Variants in ATP5PO observed in about 807,000 individuals in gnomAD.
The protein encoded by ATP5PO is ATP synthase peripheral stalk subunit OSCP, mitochondrial.
In ATP5PO, 14 loss-of-function variants were observed where a neutral mutation model predicts 26.2. The observed-to-expected ratio is 0.53, with a 90% CI of 0.35 to 0.83. ATP5PO has a LOEUF of 0.83. ATP5PO is among the 40% of genes least tolerant of loss of function. ATP5PO has a pLI of 0.01. For synonymous variants in ATP5PO, 106 were observed against 95.1 expected (o/e 1.12, Z -0.67); for missense variants, 241 against 258.5 (o/e 0.93, Z 0.46).
rs747239815 is a variant in ATP5PO at position 33,907,322 on chromosome 21, G to A, written c.441+19C>T. The A allele has an allele frequency of 6.9e-6, 11 of 1,583,228 alleles. 1 individual carries two copies. In the South Asian group the frequency reaches 1.1e-4, roughly 16 times the overall value. Reference sequence around the variant, plus strand: ...ATGTAATATCAAGGCAAACACAGCAGCAACAACCCGTTACTTACAGATGCA... The same window carrying A: ...ATGTAATATCAAGGCAAACACAGCAACAACAACCCGTTACTTACAGATGCA... On this transcript the variant is annotated intron_variant, in intron 5 of 6. Transcript: ENST00000290299.
intron 3 of ATP5PO, 64 bp downstream of exon 3, chr21:33,912,225 A>G (rs1987258280): frequency 6.8e-7 from 1 of 1,464,352 alleles, no homozygotes; most frequent in Non-Finnish European, 9.4e-7. Flanking sequence ...GGAATGCACA[A>G]ACAACCAAAG....
chr21:33,909,512 C>A (rs556103912), intron 3 of ATP5PO, among the ~76,000 whole-genome samples: 331 of 152,282 alleles, frequency 2.2e-3, no homozygotes, highest in Middle Eastern at 0.01. Flanking sequence ...GTGATCCACC[C>A]ACCTCGGCCT....
chr21:33,915,612 C>A (rs1202342017), intron 1 of ATP5PO, 116 bp downstream of exon 1: 2 of 1,452,302 alleles, frequency 1.4e-6, no homozygotes, highest in African/African-American at 2.8e-5. Flanking sequence ...GGTCCCATAA[C>A]CTTGAAGACT....
At chr21:33,905,387 G>A (rs1485122033) in intron 5 of ATP5PO, among the ~76,000 whole-genome samples, 1 of 152,054 alleles carries the variant, frequency 6.6e-6, no homozygotes, top group African/African-American at 2.4e-5. Context: ...TGAGGGAACG[G>A]AGGCTCAGGG....
At chr21:33,906,790 C>T (rs1987178721) in intron 5 of ATP5PO, 2 of 456,042 alleles carry the variant, frequency 4.4e-6, no homozygotes, top group Admixed American at 2.4e-5. Context: ...AAGTTCGAGA[C>T]AAGCCTGGAG....
chr21:33,911,498 G>A (rs925227070), intron 3 of ATP5PO, among the ~76,000 whole-genome samples: 1 of 152,024 alleles, frequency 6.6e-6, no homozygotes, highest in Non-Finnish European at 1.5e-5. Flanking sequence ...AATTGCAAAG[G>A]CATCTCTACC....
intron 5 of ATP5PO, 127 bp downstream of exon 5, chr21:33,907,214 C>A: frequency 1.2e-6 from 1 of 801,996 alleles, no homozygotes; most frequent in Non-Finnish European, 2.0e-6. Context: ...AAAAATGAAA[C>A]AAACATCCCA....
intron 1 of ATP5PO, 68 bp from the exon 2 acceptor site, chr21:33,914,568 A>G: frequency 6.9e-7 from 1 of 1,457,724 alleles, no homozygotes; most frequent in Non-Finnish European, 9.5e-7. Flanking sequence ...TAACTCAATA[A>G]CAACAAAAAA....
chr21:33,903,651 G>A lies in ATP5PO; in HGVS notation c.529-12C>T, dbSNP rs9980730. 0.98 allele frequency: 1,573,699 copies of A among 1,613,522 alleles called. 767,530 individuals are homozygous for A. Among genetic ancestry groups the A allele is most frequent in the East Asian group, 1 (44,874 of 44,880 alleles). ...ATTGACGGATCAGTCTACAAAAGAA[G>A]TAAGACTGGAAATGTGAAAACGCGC... On this transcript the variant is annotated splice_polypyrimidine_tract_variant and intron_variant, in intron 6 of 6. Transcript: ENST00000290299.
In ATP5PO at chr21:33,908,942, G is replaced by A. The variant is rs184185346; in HGVS notation, c.328+140C>T. On this transcript the variant is annotated intron_variant, in intron 4 of 6. Transcript: ENST00000290299. ...GGGAGCTGGTTAAGATACAGACTCT[G>A]ATTCAGCAGGTTGCTGTGAGGCCTG... The A allele has an allele frequency of 1.5e-5, 14 of 957,320 alleles. No individual in the cohort carries two copies. In the Admixed American group the frequency reaches 2.3e-4, roughly 16 times the overall value. The allele number at this position is 957,320 out of a possible 1,614,324, so 59.3% of individuals were successfully genotyped here. A position where few individuals can be genotyped will look rare whatever the true frequency, so the allele number is the denominator to read the frequency against.
chr21:33,914,376 C>T (rs1405109354), intron 2 of ATP5PO, 74 bp downstream of exon 2: 16 of 1,456,858 alleles, frequency 1.1e-5, no homozygotes, highest in Non-Finnish European at 1.4e-5. Context: ...CAAAAATCCA[C>T]GCCCTGACTG....
intron 4 of ATP5PO, 185 bp downstream of exon 4, chr21:33,908,897 A>G (rs1276234097): frequency 8.5e-6 from 5 of 587,340 alleles, no homozygotes; most frequent in African/African-American, 5.5e-5. Context: ...TCACACTTCA[A>G]TGTGCAAACG....
At chr21:33,915,581 C>G in intron 1 of ATP5PO, 147 bp downstream of exon 1, 1 of 1,254,678 alleles carries the variant, frequency 8.0e-7, no homozygotes, top group Non-Finnish European at 1.1e-6. Flanking sequence ...CTGGGTCGTC[C>G]TGAGTCGCTC....
chr21:33,908,576 G>C (rs1462253897), intron 4 of ATP5PO, among the ~76,000 whole-genome samples: 1 of 152,144 alleles, frequency 6.6e-6, no homozygotes, highest in East Asian at 1.9e-4. Flanking sequence ...GGGTGTGGTG[G>C]CATGCACCTG....
chr21:33,903,634 A>G lies in ATP5PO; in HGVS notation c.534T>C (p.Asp178=). ...CAATCATTCCACCCAAGATTGACGG[A>G]TCAGTCTACAAAAGAAGTAAGACTG... ...GQVLKLEAKT[D]PSILGGMIVR... is the part of the protein sequence containing the mutation. The change falls in exon 7 of 7, where the codon GAT becomes GAC. Residue 178 remains aspartate (D), a synonymous_variant. Coordinates refer to ENST00000290299, the MANE Select transcript of ATP5PO (RefSeq NM_001697.3). 1 of 1,614,052 alleles carries G rather than the reference A, an allele frequency of 6.2e-7. No homozygotes were observed. Among genetic ancestry groups the G allele is most frequent in the Non-Finnish European group, 8.5e-7 (1 of 1,179,908 alleles).
chr21:33,910,288 A>G (rs556880275), intron 3 of ATP5PO, among the ~76,000 whole-genome samples: 1 of 152,224 alleles, frequency 6.6e-6, no homozygotes, highest in East Asian at 1.9e-4. Context: ...CTATCATCCA[A>G]TGCTAACATT....
At chr21:33,913,197 C>A (rs2834300) in intron 2 of ATP5PO, among the ~76,000 whole-genome samples, 13 of 151,936 alleles carry the variant, frequency 8.6e-5, no homozygotes, top group Admixed American at 5.9e-4. Flanking sequence ...ACATGAAGGA[C>A]GAAATGATTT....
chr21:33,913,782 ATAT>A (rs1281825222), intron 2 of ATP5PO, among the ~76,000 whole-genome samples: 1 of 151,778 alleles, frequency 6.6e-6, no homozygotes, highest in Non-Finnish European at 1.5e-5. Context: ...AGGTACCTTG[ATAT>A]TTTTTTTTTT....
At chr21:33,912,200 G>C in intron 3 of ATP5PO, 89 bp downstream of exon 3, 1 of 1,098,536 alleles carries the variant, frequency 9.1e-7, no homozygotes, top group South Asian at 1.7e-5. Context: ...TTTTCTTGTA[G>C]GATACACCTC....
Sources: allele counts gnomAD v4.1 joint callset (sites outside exome capture counted in the v4.1 genomes callset), GRCh38; gene constraint gnomAD v4.1.1; transcripts MANE v1.5; gene names NCBI Gene and HGNC (gene_info 2026-07-23, HGNC 2026-07-21).